Variants in AKAP6 observed in about 807,000 individuals in gnomAD.
AKAP6 encodes A-kinase anchor protein 6.
Under a neutral mutation model 188.5 loss-of-function variants are expected in AKAP6, and 58 were observed. The observed-to-expected ratio is 0.31, with a 90% CI of 0.25 to 0.38. The LOEUF (loss-of-function observed/expected upper bound fraction) is 0.38. Ranked by LOEUF, AKAP6 falls within the 10% of genes least tolerant of loss-of-function variation. The probability of loss-of-function intolerance (pLI) is 1.00; values close to 1 mark genes in which losing one functional copy is unlikely to be tolerated. For missense variants in AKAP6, 2,710 were observed against 2,740.0 expected, an observed-to-expected ratio of 0.99 and a Z score of 0.24; for synonymous variants, 989 against 998.6, an observed-to-expected ratio of 0.99 and a Z score of 0.18.
At chr14:32,634,418 A>G (rs1368716731) in intron 7 of AKAP6, among the ~76,000 whole-genome samples, 4 of 152,058 alleles carry the variant, frequency 2.6e-5, no homozygotes, top group Admixed American at 2.6e-4. Context: ...CTTTGAGTTC[A>G]AAGTTTATTT....
chr14:32,686,883 G>C (rs1889949204), intron 8 of AKAP6, among the ~76,000 whole-genome samples: 1 of 152,134 alleles, frequency 6.6e-6, no homozygotes. Flanking sequence ...TCTGGCTGTG[G>C]ATGAAATTGG....
intron 9 of AKAP6, among the ~76,000 whole-genome samples, chr14:32,720,597 GTTTTC>G (rs574094197): frequency 9.3e-4 from 141 of 152,230 alleles, no homozygotes; most frequent in African/African-American, 3.3e-3. Context: ...TTAGGTAAGT[GTTTTC>G]TTTTGTTATG....
chr14:32,397,238 G>A (rs750381911), intron 1 of AKAP6, among the ~76,000 whole-genome samples: 1 of 152,178 alleles, frequency 6.6e-6, no homozygotes, highest in Admixed American at 6.5e-5. Context: ...TGCCAGGATA[G>A]CCAAGGGTGG....
At chr14:32,829,717 A>G in intron 13 of AKAP6, 131 bp from the exon 14 acceptor site, 1 of 471,690 alleles carries the variant, frequency 2.1e-6, no homozygotes, top group East Asian at 3.3e-5. Flanking sequence ...TATTTTATGT[A>G]TCTTTATATT....
intron 5 of AKAP6, among the ~76,000 whole-genome samples, chr14:32,592,048 G>A (rs912463193): frequency 6.6e-6 from 1 of 152,194 alleles, no homozygotes; most frequent in Non-Finnish European, 1.5e-5. Context: ...GGTGTTCACT[G>A]AGTAAAATTT....
chr14:32,424,478 T>TA (rs151191459), intron 1 of AKAP6, among the ~76,000 whole-genome samples: 9 of 151,744 alleles, frequency 5.9e-5, no homozygotes, highest in Admixed American at 2.0e-4. Context: ...TTTTTCTCTT[T>TA]AAAAAAAAAT....
chr14:32,354,108 C>T (rs947942838), intron 1 of AKAP6, among the ~76,000 whole-genome samples: 1 of 151,950 alleles, frequency 6.6e-6, no homozygotes, highest in Admixed American at 6.6e-5. Flanking sequence ...GAAAAAACTA[C>T]TTTAAAGTTC....
intron 12 of AKAP6, among the ~76,000 whole-genome samples, chr14:32,775,646 G>A (rs1329534487): frequency 6.6e-6 from 1 of 152,024 alleles, no homozygotes; most frequent in East Asian, 1.9e-4. Context: ...ATGTTGCCCA[G>A]GCTGGTCTCA....
At chr14:32,507,935 C>G (rs1260744148) in intron 2 of AKAP6, among the ~76,000 whole-genome samples, 1 of 152,164 alleles carries the variant, frequency 6.6e-6, no homozygotes, top group Non-Finnish European at 1.5e-5. Flanking sequence ...GACTGGGAAG[C>G]AGCTGATAAT....
At chr14:32,827,416 T>C (rs1031075360) in intron 13 of AKAP6, among the ~76,000 whole-genome samples, 2 of 151,872 alleles carry the variant, frequency 1.3e-5, no homozygotes, top group African/African-American at 4.8e-5. Flanking sequence ...CCAGAAGAGA[T>C]ATAACTTAGA....
chr14:32,642,750 A>T (rs1166088978), intron 7 of AKAP6, among the ~76,000 whole-genome samples: 1 of 152,204 alleles, frequency 6.6e-6, no homozygotes, highest in Non-Finnish European at 1.5e-5. Flanking sequence ...CTTATTTGAG[A>T]ATATGTAGAG....
chr14:32,495,942 A>G (rs1594677007), intron 2 of AKAP6, among the ~76,000 whole-genome samples: 1 of 152,202 alleles, frequency 6.6e-6, no homozygotes, highest in Non-Finnish European at 1.5e-5. Flanking sequence ...AATTGCTGCA[A>G]TATTGTTGTT....
intron 12 of AKAP6, among the ~76,000 whole-genome samples, chr14:32,806,798 G>T (rs911498023): frequency 4.6e-5 from 7 of 152,232 alleles, no homozygotes; most frequent in Admixed American, 1.3e-4. Context: ...TGAGATCTGG[G>T]TTAGCAGAGA....
chr14:32,620,794 CT>C (rs1368937449), intron 7 of AKAP6, among the ~76,000 whole-genome samples: 1 of 150,928 alleles, frequency 6.6e-6, no homozygotes, highest in African/African-American at 2.4e-5. Context: ...TGACCCAGGG[CT>C]TTTTTTCACT....
At chr14:32,562,744 C>T (rs779545367) in intron 4 of AKAP6, among the ~76,000 whole-genome samples, 20 of 151,858 alleles carry the variant, frequency 1.3e-4, no homozygotes, top group East Asian at 9.6e-4. Flanking sequence ...GGTGACAGAG[C>T]GAGACTCCAT....
intron 7 of AKAP6, among the ~76,000 whole-genome samples, chr14:32,655,646 T>C (rs1007268114): frequency 6.6e-6 from 1 of 152,100 alleles, no homozygotes; most frequent in Non-Finnish European, 1.5e-5. Context: ...TTCATCGAAG[T>C]AAGAGAGCAG....
intron 12 of AKAP6, among the ~76,000 whole-genome samples, chr14:32,781,348 C>CA (rs34848067): frequency 0.21 from 24,243 of 117,078 alleles, 2,515 homozygotes; most frequent in African/African-American, 0.34. Flanking sequence ...AACTTACTCT[C>CA]AAAAAAAAAA....
intron 7 of AKAP6, among the ~76,000 whole-genome samples, chr14:32,677,558 C>T (rs1889485681): frequency 6.6e-6 from 1 of 152,188 alleles, no homozygotes; most frequent in East Asian, 1.9e-4. Flanking sequence ...TTCTCGGTCT[C>T]ATCTGATGTT....
chr14:32,563,201 T>C (rs560769982), intron 4 of AKAP6, among the ~76,000 whole-genome samples: 1 of 152,328 alleles, frequency 6.6e-6, no homozygotes, highest in African/African-American at 2.4e-5. Flanking sequence ...TGCTGGATGG[T>C]TGTGAAGCAT....
Sources: allele counts gnomAD v4.1 joint callset (sites outside exome capture counted in the v4.1 genomes callset), GRCh38; gene constraint gnomAD v4.1.1; transcripts MANE v1.5; gene names NCBI Gene and HGNC (gene_info 2026-07-23, HGNC 2026-07-21).